Variants in PRKDC observed in about 807,000 individuals in gnomAD.
PRKDC encodes the protein DNA-dependent protein kinase catalytic subunit.
PRKDC carries 82 observed loss-of-function variants against 486.9 expected under a neutral mutation model. The observed-to-expected ratio is 0.17, with a 90% CI of 0.14 to 0.20. The LOEUF (loss-of-function observed/expected upper bound fraction) is 0.20. PRKDC is among the 10% of genes least tolerant of loss of function. The pLI is 1.00. For missense variants in PRKDC, 4,504 were observed against 5,038.2 expected (o/e 0.89, Z 3.21); for synonymous variants, 1,895 against 1,837.0 (o/e 1.03, Z -0.81).
chr8:47,833,645 C>A (rs910667085), intron 59 of PRKDC, among the ~76,000 whole-genome samples: 2 of 152,114 alleles, frequency 1.3e-5, no homozygotes, highest in Non-Finnish European at 2.9e-5. Context: ...TCGACATACA[C>A]CCCCACACCC....
At position 47,929,139 on chromosome 8, in the gene PRKDC, G is replaced by A; in HGVS notation, c.2092C>T (p.Pro698Ser). 6.3e-7 allele frequency: 1 copy of A among 1,578,970 alleles called. No homozygotes were observed. Among genetic ancestry groups the A allele is most frequent in the Non-Finnish European group, 8.6e-7 (1 of 1,160,644 alleles). Residue 698 changes from proline (P) to serine (S), a missense_variant, in exon 19 of 86, where the codon CCA (proline) becomes TCA (serine). Pro to Ser is a moderately conservative substitution (Grantham distance 74). Transcript: ENST00000314191. The stretch of plus-strand genomic sequence containing the variant: ...AAAGCAAAGCAAGAATACTTTTCTG[G>A]GTCTTCAGGAGAGTGTTTCAGACTC... Reference protein sequence around the residue: ...PKSLKHSPEDPEKYSCFALFV... With the variant: ...PKSLKHSPEDSEKYSCFALFV...
At chr8:47,938,108 G>C (rs1393429535) in intron 11 of PRKDC, among the ~76,000 whole-genome samples, 1 of 151,742 alleles carries the variant, frequency 6.6e-6, no homozygotes, top group Non-Finnish European at 1.5e-5. Context: ...AAAAGAAAAA[G>C]AAAGGAAAAA....
chr8:47,888,052 ATTGT>A (rs2089374843), intron 34 of PRKDC, among the ~76,000 whole-genome samples: 1 of 151,876 alleles, frequency 6.6e-6, no homozygotes, highest in Non-Finnish European at 1.5e-5. Context: ...TTGTTTTTTA[ATTGT>A]TTGTAGAGAT....
chr8:47,859,254 A>G (rs991904159), intron 46 of PRKDC, among the ~76,000 whole-genome samples: 2 of 151,804 alleles, frequency 1.3e-5, no homozygotes, highest in African/African-American at 4.8e-5. Context: ...TCTCTGTTAC[A>G]CTGACCCCTG....
chr8:47,795,190 CTTTT>C (rs34711098), intron 73 of PRKDC, among the ~76,000 whole-genome samples: 2 of 105,318 alleles, frequency 1.9e-5, no homozygotes, highest in South Asian at 3.1e-4. Flanking sequence ...CTGGCCAACT[CTTTT>C]TTTTTTTTTT....
Position 47,836,333 on chromosome 8 carries a change from G to A in PRKDC, c.7951+5C>T, listed in dbSNP as rs956693514. 2.6e-6 allele frequency: 4 copies of A among 1,562,916 alleles called. No individual in the cohort carries two copies. Among genetic ancestry groups the A allele is most frequent in the African/African-American group, 1.4e-5 (1 of 73,856 alleles). ...TACATGGCCAGCGGGCAGGGTCACT[G>A]TTACCTGCAGTCTGTGTCAGTGTGA... is the stretch of plus-strand genomic sequence containing the variant. On this transcript the variant is annotated splice_donor_5th_base_variant and intron_variant, in intron 58 of 85. Coordinates refer to ENST00000314191, the MANE Select transcript of PRKDC (RefSeq NM_006904.7).
intron 5 of PRKDC, 47 bp downstream of exon 5, chr8:47,954,291 T>A: frequency 1.2e-6 from 1 of 806,940 alleles, no homozygotes; most frequent in Non-Finnish European, 1.8e-6. Context: ...AATTTGTTAA[T>A]ATTAATTTGC....
At chr8:47,878,721 A>G (rs2089142076) in intron 39 of PRKDC, among the ~76,000 whole-genome samples, 1 of 152,216 alleles carries the variant, frequency 6.6e-6, no homozygotes, top group Admixed American at 6.5e-5. Flanking sequence ...CTGCATATTT[A>G]ATTTCCAAGG....
intron 28 of PRKDC, among the ~76,000 whole-genome samples, chr8:47,899,518 C>T (rs1260632701): frequency 6.6e-6 from 1 of 152,168 alleles, no homozygotes; most frequent in Non-Finnish European, 1.5e-5. Context: ...TGGCAGGTCC[C>T]TGTAGTCTCA....
intron 21 of PRKDC, among the ~76,000 whole-genome samples, chr8:47,921,082 A>G (rs1563804336): frequency 1.3e-5 from 2 of 151,962 alleles, no homozygotes; most frequent in Admixed American, 6.6e-5. Flanking sequence ...TGAAACCCCC[A>G]TCTCTACTAA....
rs374576070 is a variant in PRKDC, at chr8:47,927,322, G to A, written c.2291C>T (p.Pro764Leu). The A allele has an allele frequency of 3.0e-5, 48 of 1,613,426 alleles. 1 individual carries two copies. In the Middle Eastern group the frequency reaches 2.0e-3, roughly 66 times the overall value. ...MAFKLGLSYT[P>L]LAEVGLNALE... ...AGCATTCAGGCCTACTTCTGCCAAG[G>A]GGGTATAGCTCAGGCCCAGTTTGAA... Residue 764 changes from proline to leucine, a missense_variant, in exon 21 of 86, where the codon CCC becomes CTC. By Grantham distance (98) the Pro-to-Leu change is moderately conservative. This residue lies in a region of PRKDC where 1,969 missense variants were observed against 2,068.9 expected (regional missense o/e 0.95). Coordinates refer to ENST00000314191, the MANE Select transcript of PRKDC (RefSeq NM_006904.7).
rs377160171 is a variant in PRKDC at position 47,776,893 on chromosome 8, A to G, written c.12133T>C (p.Cys4045Arg). 77 of 1,613,914 alleles carry G rather than the reference A, an allele frequency of 4.8e-5. No homozygotes were observed. Among genetic ancestry groups the G allele is most frequent in the African/African-American group, 9.3e-5 (7 of 75,032 alleles). ...EKNWYPRQKI[C>R]YAKRKLAGAN... is the part of the protein sequence containing the mutation. ...CCTGCTAACTTTCTCTTAGCGTAACATATTTTCTGTCGGGGGTACCAATTT... is the reference window on the plus strand; with the variant it reads ...CCTGCTAACTTTCTCTTAGCGTAACGTATTTTCTGTCGGGGGTACCAATTT... Residue 4045 changes from cysteine to arginine, a missense_variant, in exon 85 of 86, where the codon TGT becomes CGT. Coordinates refer to ENST00000314191, the MANE Select transcript of PRKDC (RefSeq NM_006904.7).
In PRKDC at chr8:47,859,637, G is replaced by C. The variant is rs777236467; in HGVS notation, c.6181C>G (p.Pro2061Ala). Residue 2061 changes from proline to alanine, a missense_variant, in exon 46 of 86, where the codon CCT (proline) becomes GCT (alanine). Physicochemically the swap from Pro to Ala is conservative, Grantham distance 27. Coordinates refer to ENST00000314191, the MANE Select transcript of PRKDC (RefSeq NM_006904.7). ...CGTCTCCGAAAACGACCAGTGGCAG[G>C]TCTAGGGTCTTGGGAGCTGTATGAA... ...SYSYSSQDPRPATGRFRRREQ... is the reference protein window; with the variant it reads ...SYSYSSQDPRAATGRFRRREQ... 6.2e-7 allele frequency: 1 copy of C among 1,613,418 alleles called. No individual in the cohort carries two copies.
chr8:47,883,243 G>A (rs1313437818), intron 36 of PRKDC, among the ~76,000 whole-genome samples: 1 of 152,210 alleles, frequency 6.6e-6, no homozygotes, highest in Non-Finnish European at 1.5e-5. Context: ...TCTGGTTCAA[G>A]TCTTGCAATG....
At chr8:47,872,282 C>G (rs2088971196) in intron 40 of PRKDC, among the ~76,000 whole-genome samples, 1 of 151,662 alleles carries the variant, frequency 6.6e-6, no homozygotes, top group Non-Finnish European at 1.5e-5. Context: ...TAACATACAA[C>G]AAACACACAA....
chr8:47,908,657 C>T (rs2089838265), intron 25 of PRKDC, among the ~76,000 whole-genome samples: 1 of 152,142 alleles, frequency 6.6e-6, no homozygotes, highest in Non-Finnish European at 1.5e-5. Context: ...TAAAGACATT[C>T]TCCAGACTTT....
At position 47,774,149 on chromosome 8, in the gene PRKDC, T is replaced by TC; in HGVS notation, c.*23dup. On this transcript the variant is annotated 3_prime_UTR_variant, in exon 86 of 86. Transcript: ENST00000314191. ...AGATTCTTTAAACAATGTAATGCTT[T>TC]CTATCTGCAGACTCCCACAGACCTC... 6.4e-7 allele frequency: 1 copy of TC among 1,551,194 alleles called. No individual in the cohort carries two copies. The highest frequency in any genetic ancestry group is 2.4e-5 in the East Asian group (1 of 41,576).
intron 3 of PRKDC, among the ~76,000 whole-genome samples, 169 bp downstream of exon 3, chr8:47,957,002 C>G (rs1442990730): frequency 7.4e-6 from 1 of 135,866 alleles, no homozygotes; most frequent in African/African-American, 2.7e-5. Flanking sequence ...AAAAAAAAAA[C>G]CTAATGAAGA....
At chr8:47,930,881 A>C in intron 16 of PRKDC, 94 bp from the exon 17 acceptor site, 1 of 1,211,460 alleles carries the variant, frequency 8.3e-7, no homozygotes. Context: ...TCAAGGCCTG[A>C]TGCTACGAAG....
Sources: allele counts gnomAD v4.1 joint callset (sites outside exome capture counted in the v4.1 genomes callset), GRCh38; gene constraint gnomAD v4.1.1; regional missense constraint gnomAD v4.1.1; transcripts MANE v1.5; gene names NCBI Gene and HGNC (gene_info 2026-07-23, HGNC 2026-07-21).